UPF3B: variants seen among roughly 807,000 people sequenced by gnomAD.
UPF3B encodes the protein regulator of nonsense transcripts 3B.
UPF3B carries 7 observed loss-of-function variants against 40.3 expected under a neutral mutation model. That is an observed-to-expected ratio of 0.17 (90% confidence interval 0.10 to 0.33). UPF3B has a LOEUF of 0.33. Ranked by LOEUF, UPF3B falls within the 10% of genes least tolerant of loss-of-function variation. The pLI, the probability that UPF3B is intolerant of heterozygous loss-of-function variation, is 1.00. For synonymous variants in UPF3B, 117 were observed against 117.3 expected, an observed-to-expected ratio of 1.00 and a Z score of 0.01; for missense variants, 229 against 358.9, an observed-to-expected ratio of 0.64 and a Z score of 2.93.
rs2496208 is a variant in UPF3B, at chrX:119,841,819, C to T, written c.581-41G>A. ...CAGATTATTAATCATACTTATCAAC[C>T]CCTAGAAACGATTCCATTTTCTGAC... On this transcript the variant is annotated intron_variant, in intron 5 of 10. Coordinates refer to ENST00000276201, the MANE Select transcript of UPF3B (RefSeq NM_080632.3). The T allele has an allele frequency of 2.6e-3, 2,882 of 1,118,348 alleles. 36 individuals are homozygous for T. The African/African-American group carries it at 0.046, about 18-fold the overall frequency. The allele number at this position is 1,118,348 out of a possible 1,213,427, so 92.2% of individuals were successfully genotyped here.
chrX:119,814,705 C>G (rs1448854184), intron 5 of UPF3B, among the ~76,000 whole-genome samples: 1 of 111,909 alleles, frequency 8.9e-6, no homozygotes, highest in African/African-American at 3.2e-5. Context: ...AATTGCAATG[C>G]ATGTCCTTGC....
chrX:119,821,416 C>T (rs190772275), intron 4 of UPF3B, among the ~76,000 whole-genome samples: 1 of 113,120 alleles, frequency 8.8e-6, no homozygotes, highest in East Asian at 2.8e-4. Context: ...AAAACAAAGG[C>T]AATGCCTGTG....
chrX:119,823,329 G>A (rs1357658115), intron 3 of UPF3B, among the ~76,000 whole-genome samples: 1 of 110,931 alleles, frequency 9.0e-6, no homozygotes, highest in African/African-American at 3.3e-5. Context: ...ATCCAGCTTC[G>A]ACATTCCAGA....
rs1466853698 is a variant in UPF3B at position 119,841,715 on chromosome X, T to C, written c.624+20A>G. On this transcript the variant is annotated intron_variant, in intron 6 of 10. Transcript: ENST00000276201. ...AAAGAAATTAAAGTATTGAGAGAAC[T>C]ATAAAGACAAAAGATTTACCTGCTT... 8.4e-7 allele frequency: 1 copy of C among 1,195,429 alleles called. No homozygotes were observed. Among genetic ancestry groups the C allele is most frequent in the Admixed American group, 2.2e-5 (1 of 45,905 alleles).
At chrX:119,821,836 GT>G (rs992519371) in intron 4 of UPF3B, among the ~76,000 whole-genome samples, 15 of 111,096 alleles carry the variant, frequency 1.4e-4, no homozygotes, top group African/African-American at 4.6e-4. Flanking sequence ...CCTCACAGCT[GT>G]TTACTAAAGT....
chrX:119,838,498 T>C lies in UPF3B; in HGVS notation c.876A>G (p.Glu292=). 4 of 1,211,455 alleles carry C rather than the reference T, an allele frequency of 3.3e-6. No individual in the cohort carries two copies. In the South Asian group the frequency reaches 7.0e-5, roughly 21 times the overall value. ...NLLKKPEKGD[E]KELDKREKAK... ...CTTTTTCTCTTTTGTCCAATTCTTTTTCATCTCCTTTTTCTGGCTTCTTGA... is the reference window on the plus strand; with the variant it reads ...CTTTTTCTCTTTTGTCCAATTCTTTCTCATCTCCTTTTTCTGGCTTCTTGA... Residue 292 remains glutamate, a synonymous_variant, in exon 9 of 11, where the codon GAA becomes GAG. Coordinates refer to ENST00000276201, the MANE Select transcript of UPF3B (RefSeq NM_080632.3).
downstream of UPF3B, among the ~76,000 whole-genome samples, chrX:119,829,785 C>T (rs972149252): frequency 4.5e-5 from 5 of 111,617 alleles, no homozygotes; most frequent in South Asian, 3.8e-4. Flanking sequence ...TTCAATGGAC[C>T]CCTAAAAATG....
intron 8 of UPF3B, among the ~76,000 whole-genome samples, chrX:119,839,231 T>C (rs1462091678): frequency 8.9e-6 from 1 of 112,304 alleles, no homozygotes; most frequent in African/African-American, 3.2e-5. Flanking sequence ...TGTTTTTATG[T>C]AGTACTTGGA....
intron 3 of UPF3B, among the ~76,000 whole-genome samples, chrX:119,851,220 C>T (rs182866933): frequency 1.9e-3 from 210 of 112,097 alleles, no homozygotes; most frequent in Non-Finnish European, 3.4e-3. Context: ...ATCAGTACTG[C>T]GGCTGAAATT....
At chrX:119,831,574 C>T (rs780735337), downstream of UPF3B, 3 of 433,044 alleles carry the variant, frequency 6.9e-6, no homozygotes, top group African/African-American at 2.7e-5. Context: ...CCGCCTCAGC[C>T]TCCCAAAGTG....
chrX:119,806,149 A>G (rs1289262057), intron 6 of UPF3B, among the ~76,000 whole-genome samples: 1 of 78,774 alleles, frequency 1.3e-5, no homozygotes, highest in Non-Finnish European at 2.4e-5. Context: ...AATACTATGC[A>G]GCCATAAAAA....
intron 3 of UPF3B, among the ~76,000 whole-genome samples, chrX:119,845,787 A>G (rs778858791): frequency 9.0e-6 from 1 of 111,004 alleles, no homozygotes; most frequent in South Asian, 3.7e-4. Context: ...ATATACTAAA[A>G]TTCACTGAAC....
At chrX:119,842,837 C>T (rs2056183224) in intron 5 of UPF3B, among the ~76,000 whole-genome samples, 1 of 111,463 alleles carries the variant, frequency 9.0e-6, no homozygotes, top group Non-Finnish European at 1.9e-5. Context: ...TTTGCAGTAA[C>T]TAATTTCATT....
chrX:119,806,895 G>C (rs1333821603), intron 6 of UPF3B, among the ~76,000 whole-genome samples: 1 of 108,317 alleles, frequency 9.2e-6, no homozygotes, highest in East Asian at 2.9e-4. Context: ...CAGGCAAGGT[G>C]GCGGGCACCT....
At chrX:119,815,987 G>A (rs1482260873) in intron 4 of UPF3B, among the ~76,000 whole-genome samples, 1 of 111,288 alleles carries the variant, frequency 9.0e-6, no homozygotes, top group African/African-American at 3.3e-5. Context: ...TCACCACGTA[G>A]GCCAGGTTCA....
intron 5 of UPF3B, among the ~76,000 whole-genome samples, chrX:119,812,026 T>G (rs2055831303): frequency 9.0e-6 from 1 of 111,005 alleles, no homozygotes; most frequent in African/African-American, 3.3e-5. Flanking sequence ...GGTTTAGGTG[T>G]GCACATCACT....
At position 119,851,588 on chromosome X, in the gene UPF3B, T is replaced by C. The variant is rs770557726; in HGVS notation, c.277A>G (p.Met93Val). 3.2e-5 allele frequency: 38 copies of C among 1,194,841 alleles called. No individual in the cohort carries two copies. Among genetic ancestry groups the C allele is most frequent in the Admixed American group, 4.4e-5 (2 of 45,575 alleles). ...FSNDTSLYPH[M>V]YARAYINFKN... is the part of the protein sequence containing the mutation. Reference sequence around the variant, plus strand: ...AAGTTGATGTATGCTCTGGCATACATATGAGGATACAAACTGCAGAGAGGA... The same window carrying C: ...AAGTTGATGTATGCTCTGGCATACACATGAGGATACAAACTGCAGAGAGGA... The change falls in exon 3 of 11, where the codon ATG becomes GTG. Residue 93 changes from methionine to valine, a missense_variant. Transcript: ENST00000276201.
chrX:119,848,652 T>C (rs772611383), intron 3 of UPF3B, among the ~76,000 whole-genome samples: 1 of 76,593 alleles, frequency 1.3e-5, no homozygotes, highest in African/African-American at 4.2e-5. Flanking sequence ...GCAAAAGGAA[T>C]GAGGTAATGA....
chrX:119,820,169 A>G (rs2055901074), intron 4 of UPF3B, among the ~76,000 whole-genome samples: 1 of 107,514 alleles, frequency 9.3e-6, no homozygotes, highest in Non-Finnish European at 1.9e-5. Context: ...GGGAGGATGG[A>G]GTCTCCCTCT....
Sources: allele counts gnomAD v4.1 joint callset (sites outside exome capture counted in the v4.1 genomes callset), GRCh38; gene constraint gnomAD v4.1.1; transcripts MANE v1.5; gene names NCBI Gene and HGNC (gene_info 2026-07-23, HGNC 2026-07-21).